AP2A1: variants seen among roughly 807,000 people sequenced by gnomAD.
AP2A1 encodes adaptor related protein complex 2 subunit alpha 1.
A neutral mutation model predicts 107.3 loss-of-function variants in AP2A1; 21 were observed. The observed-to-expected ratio is 0.20, with a 90% CI of 0.14 to 0.28. The LOEUF is 0.28. Among genes scored for constraint, AP2A1 ranks in the 10% least tolerant of loss-of-function variants. AP2A1 has a pLI of 1.00. For synonymous variants in AP2A1, 602 were observed against 564.8 expected, an observed-to-expected ratio of 1.07 and a Z score of -0.93; for missense variants, 873 against 1,307.7, an observed-to-expected ratio of 0.67 and a Z score of 5.13.
intron 7 of AP2A1, chr19:49,797,048 A>G (rs143570535): frequency 1.3e-5 from 2 of 152,362 alleles, no homozygotes; most frequent in Admixed American, 1.3e-4. Context: ...CGTCCTGTCA[A>G]GAAGGGCTTA....
rs1474764810 is a variant in AP2A1, at chr19:49,803,178, G to A, written c.2243G>A (p.Arg748Gln). The A allele has an allele frequency of 1.2e-6, 2 of 1,613,964 alleles. No homozygotes were observed. Among genetic ancestry groups the A allele is most frequent in the Non-Finnish European group, 1.7e-6 (2 of 1,179,892 alleles). ...LLQIGVKSEF[R>Q]QNLGRMYLFY... ...CAGATCGGAGTCAAGTCAGAGTTCC[G>A]ACAGAACCTGGGTGTGTCCCGGGGG... The change falls in exon 17 of 23, where the codon CGA becomes CAA. Residue 748 changes from arginine to glutamine, a missense_variant. Arg to Gln is a conservative substitution (Grantham distance 43). Around this residue, in one of 4 missense-constraint regions of AP2A1, gnomAD observed 416 missense variants for 473.4 expected, o/e 0.88. Transcript: ENST00000354293.
In AP2A1 at chr19:49,798,942, C is replaced by T; in HGVS notation, c.955C>T (p.His319Tyr). 1.3e-6 allele frequency: 2 copies of T among 1,552,602 alleles called. No homozygotes were observed. The highest frequency in any genetic ancestry group is 1.7e-6 in the Non-Finnish European group (2 of 1,147,490). Reference protein sequence around the residue: ...ILFETISLIIHYDSEPNLLVR... With the variant: ...ILFETISLIIYYDSEPNLLVR... The stretch of plus-strand genomic sequence containing the variant: ...CTTCGAGACCATCAGCCTCATCATC[C>T]ACTATGACAGGTGCCCGCCTGGGCC... Residue 319 changes from histidine to tyrosine, a missense_variant, in exon 8 of 23, where the codon CAC (histidine) becomes TAC (tyrosine). By Grantham distance (83) the His-to-Tyr change is moderately conservative. This residue lies in a region of AP2A1 where 213 missense variants were observed against 443.5 expected (regional missense o/e 0.48). Coordinates refer to ENST00000354293, the MANE Select transcript of AP2A1 (RefSeq NM_130787.3).
intron 7 of AP2A1, among the ~76,000 whole-genome samples, chr19:49,798,521 C>T (rs752355449): frequency 1.3e-5 from 2 of 152,150 alleles, no homozygotes; most frequent in Non-Finnish European, 2.9e-5. Context: ...AACTGAGGCT[C>T]ACATGGTGCC....
Position 49,799,960 on chromosome 19 carries a change from G to A in AP2A1, c.1273-8G>A, listed in dbSNP as rs778636010. The stretch of plus-strand genomic sequence containing the variant: ...CGGCACACTCTCTCTCACACGCCCC[G>A]GCGGCAGGTCCTGAAGGTGGCCATC... On this transcript the variant is annotated splice_polypyrimidine_tract_variant and splice_region_variant and intron_variant, in intron 10 of 22. Transcript: ENST00000354293. 3.1e-6 allele frequency: 5 copies of A among 1,612,010 alleles called. No individual in the cohort carries two copies. The highest frequency in any genetic ancestry group is 4.2e-6 in the Non-Finnish European group (5 of 1,178,390).
chr19:49,801,953 T>C, intron 14 of AP2A1, 28 bp from the exon 15 acceptor site: 1 of 1,469,480 alleles, frequency 6.8e-7, no homozygotes. Flanking sequence ...GCGCCGCCTG[T>C]CCTCACCGTG....
chr19:49,795,598 C>G, intron 6 of AP2A1, 32 bp from the exon 7 acceptor site: 1 of 1,087,410 alleles, frequency 9.2e-7, no homozygotes. Flanking sequence ...CCCACCCCAG[C>G]CCCCAACTTA....
intron 1 of AP2A1, among the ~76,000 whole-genome samples, chr19:49,771,959 C>T (rs984684857): frequency 6.6e-5 from 10 of 152,104 alleles, no homozygotes; most frequent in African/African-American, 2.4e-4. Context: ...GACGCCATGG[C>T]GGGCATCTCT....
At chr19:49,792,739 A>G (rs1450571269) in intron 5 of AP2A1, among the ~76,000 whole-genome samples, 3 of 151,972 alleles carry the variant, frequency 2.0e-5, no homozygotes, top group Non-Finnish European at 4.4e-5. Context: ...TCGCCCCTTC[A>G]CTGCTCCTTA....
intron 6 of AP2A1, among the ~76,000 whole-genome samples, chr19:49,793,879 G>A (rs949986636): frequency 4.0e-5 from 6 of 148,912 alleles, no homozygotes; most frequent in South Asian, 2.1e-4. Context: ...ACACCAGCTC[G>A]TGCATCCACT....
chr19:49,776,768 G>A (rs2084621325), intron 1 of AP2A1, among the ~76,000 whole-genome samples: 1 of 152,228 alleles, frequency 6.6e-6, no homozygotes, highest in Admixed American at 6.5e-5. Flanking sequence ...CGGGCCTTTA[G>A]ATCTTTGCAG....
rs2073399545 is a variant in AP2A1 at position 49,806,733 on chromosome 19, G to C, written c.2843G>C (p.Cys948Ser). The part of the protein sequence containing the change: ...TSKEPVSRHL[C>S]ELLAQQF ...AAGGAGCCCGTCTCCCGTCACCTGT[G>C]TGAGCTGCTGGCACAGCAGTTCTGA... is the stretch of plus-strand genomic sequence containing the variant. Residue 948 changes from cysteine (C) to serine (S), a missense_variant, in exon 23 of 23, where the codon TGT (cysteine) becomes TCT (serine). By Grantham distance (112) the Cys-to-Ser change is moderately radical (BLOSUM62 -1). This residue lies in a region of AP2A1 where 416 missense variants were observed against 473.4 expected (regional missense o/e 0.88). Coordinates refer to ENST00000354293, the MANE Select transcript of AP2A1 (RefSeq NM_130787.3). The C allele has an allele frequency of 1.2e-6, 2 of 1,613,728 alleles. No individual in the cohort carries two copies. The highest frequency in any genetic ancestry group is 1.7e-6 in the Non-Finnish European group (2 of 1,179,880).
chr19:49,805,956 G>C lies in AP2A1; in HGVS notation c.2655+15G>C. 6.2e-7 allele frequency: 1 copy of C among 1,613,728 alleles called. No homozygotes were observed. The highest frequency in any genetic ancestry group is 8.5e-7 in the Non-Finnish European group (1 of 1,179,892). On this transcript the variant is annotated intron_variant, in intron 21 of 22. Transcript: ENST00000354293. ...CTAAGGCCAAGGTGAGAGACCGCGGGCGTGTTTGCCGGCCTATGGCTGCTT... is the reference window on the plus strand; with the variant it reads ...CTAAGGCCAAGGTGAGAGACCGCGGCCGTGTTTGCCGGCCTATGGCTGCTT...
chr19:49,795,602 C>CCCACA, intron 6 of AP2A1, 28 bp from the exon 7 acceptor site: 5 of 1,236,818 alleles, frequency 4.0e-6, no homozygotes, highest in Non-Finnish European at 5.8e-6. Flanking sequence ...CCCCAGCCCC[C>CCCACA]AACTTATTTC....
At chr19:49,793,553 A>T (rs2073172651) in intron 6 of AP2A1, among the ~76,000 whole-genome samples, 1 of 152,112 alleles carries the variant, frequency 6.6e-6, no homozygotes, top group Non-Finnish European at 1.5e-5. Context: ...GCCCAGGAAC[A>T]TCCCCTGAGG....
chr19:49,801,640 C>A lies in AP2A1; in HGVS notation c.1785+19C>A, dbSNP rs761441858. 1.9e-6 allele frequency: 3 copies of A among 1,555,626 alleles called. No homozygotes were observed. Among genetic ancestry groups the A allele is most frequent in the South Asian group, 1.2e-5 (1 of 85,604 alleles). ...CGTCCTGGTCAGAGCCCTGTCCCCC[C>A]ACCCCACCCCTCTTGCACACCCCCT... On this transcript the variant is annotated intron_variant, in intron 13 of 22. Transcript: ENST00000354293.
At chr19:49,792,091 G>C in intron 5 of AP2A1, 27 bp downstream of exon 5, 1 of 1,605,254 alleles carries the variant, frequency 6.2e-7, no homozygotes, top group Non-Finnish European at 8.5e-7. Context: ...CACACCCCCG[G>C]ATACCCAGGG....
chr19:49,767,080 C>A lies in AP2A1; in HGVS notation c.-54C>A. The stretch of plus-strand genomic sequence containing the variant: ...TTCCGCCCGGTCCCCGCTTGCCAGC[C>A]CCCGCTGCTCTGTGCCCTGTCCGGC... On this transcript the variant is annotated 5_prime_UTR_variant, in exon 1 of 23. Coordinates refer to ENST00000354293, the MANE Select transcript of AP2A1 (RefSeq NM_130787.3). 6.4e-7 allele frequency: 1 copy of A among 1,570,668 alleles called. No individual in the cohort carries two copies. The highest frequency in any genetic ancestry group is 1.1e-5 in the South Asian group (1 of 87,330).
At chr19:49,802,764 C>A in intron 15 of AP2A1, 185 bp from the exon 16 acceptor site, 1 of 1,007,830 alleles carries the variant, frequency 9.9e-7, no homozygotes, top group Non-Finnish European at 1.4e-6. Flanking sequence ...GGGGCACGGG[C>A]CAGGGTTCTA....
rs1404044464 is a variant in AP2A1 at position 49,806,517 on chromosome 19, T to C, written c.2791-164T>C. On this transcript the variant is annotated intron_variant, in intron 22 of 22. Transcript: ENST00000354293. ...CTTTCTCTCATCTTTTATAATTTTC[T>C]TCCTCTCTGGCGCCTCTGTTGATTT... The C allele has an allele frequency of 3.4e-6, 5 of 1,450,154 alleles. No homozygotes were observed. In the African/African-American group the frequency reaches 7.2e-5, roughly 21 times the overall value. The allele number at this position is 1,450,154 out of a possible 1,614,324, so 89.8% of individuals were successfully genotyped here.
Sources: allele counts gnomAD v4.1 joint callset (sites outside exome capture counted in the v4.1 genomes callset), GRCh38; gene constraint gnomAD v4.1.1; regional missense constraint gnomAD v4.1.1; transcripts MANE v1.5; gene names NCBI Gene and HGNC (gene_info 2026-07-23, HGNC 2026-07-21).